The following KCNK10 variants were observed in gnomAD, a reference collection of about 807,000 sequenced individuals.
KCNK10 encodes the protein potassium channel subfamily K member 10.
In KCNK10, 25 loss-of-function variants were observed where a neutral mutation model predicts 47.7. The ratio of observed to expected loss-of-function variants is 0.52; its 90% CI spans 0.38 to 0.73. The LOEUF (loss-of-function observed/expected upper bound fraction) is 0.73, where lower values mean the gene tolerates loss of function less well. Ranked by LOEUF, KCNK10 falls within the 30% of genes least tolerant of loss-of-function variation. The pLI is 0.00. For synonymous variants in KCNK10, 303 were observed against 285.6 expected (o/e 1.06, Z -0.61); for missense variants, 563 against 714.5 (o/e 0.79, Z 2.42).
At chr14:88,213,587 A>T (rs1885527180) in intron 4 of KCNK10, among the ~76,000 whole-genome samples, 1 of 152,226 alleles carries the variant, frequency 6.6e-6, no homozygotes, top group Non-Finnish European at 1.5e-5. Context: ...CCAAAATGCA[A>T]AAATATAAAA....
chr14:88,192,774 T>A (rs1483091618), intron 4 of KCNK10, among the ~76,000 whole-genome samples: 2 of 152,198 alleles, frequency 1.3e-5, no homozygotes, highest in Non-Finnish European at 1.5e-5. Flanking sequence ...AATGCTACCA[T>A]TTGTCATGTA....
At chr14:88,212,109 AAT>A (rs34318518) in intron 4 of KCNK10, among the ~76,000 whole-genome samples, 89 of 133,270 alleles carry the variant, frequency 6.7e-4, no homozygotes, top group Non-Finnish European at 7.4e-4. Flanking sequence ...TGATAGTGAG[AAT>A]ATATATATAT....
intron 4 of KCNK10, among the ~76,000 whole-genome samples, chr14:88,208,400 A>G (rs1885349934): frequency 6.6e-6 from 1 of 152,190 alleles, no homozygotes; most frequent in Non-Finnish European, 1.5e-5. Flanking sequence ...CCTTGGGGAA[A>G]AGGTTGATAA....
intron 1 of KCNK10, among the ~76,000 whole-genome samples, chr14:88,296,235 C>T (rs539736794): frequency 5.3e-4 from 81 of 152,158 alleles, no homozygotes; most frequent in African/African-American, 1.9e-3. Context: ...GTGGAGCAGA[C>T]CTTGATGCCC....
intron 2 of KCNK10, among the ~76,000 whole-genome samples, chr14:88,261,926 G>A (rs181168534): frequency 6.6e-6 from 1 of 152,250 alleles, no homozygotes; most frequent in Admixed American, 6.5e-5. Context: ...GGAAGAATTT[G>A]TATTTCTATT....
chr14:88,275,861 C>T (rs569307367), intron 1 of KCNK10, among the ~76,000 whole-genome samples: 1 of 151,874 alleles, frequency 6.6e-6, no homozygotes, highest in African/African-American at 2.4e-5. Context: ...AGGGAGACTC[C>T]ATCTCAAAAA....
At chr14:88,306,337 T>A (rs1888201779) in intron 1 of KCNK10, among the ~76,000 whole-genome samples, 1 of 152,250 alleles carries the variant, frequency 6.6e-6, no homozygotes, top group Admixed American at 6.5e-5. Context: ...TCATGGTGTT[T>A]ATATAGGTTA....
intron 1 of KCNK10, among the ~76,000 whole-genome samples, chr14:88,286,114 G>T (rs1887754363): frequency 6.6e-6 from 1 of 152,128 alleles, no homozygotes; most frequent in Non-Finnish European, 1.5e-5. Flanking sequence ...TGAGATCTCA[G>T]CCAAGAGCCA....
chr14:88,285,801 A>G (rs534423591), intron 1 of KCNK10, among the ~76,000 whole-genome samples: 1 of 152,318 alleles, frequency 6.6e-6, no homozygotes, highest in South Asian at 2.1e-4. Flanking sequence ...GACTGTATTT[A>G]CCAAAACTAG....
At chr14:88,241,938 A>T (rs1010495052) in intron 2 of KCNK10, among the ~76,000 whole-genome samples, 14 of 149,666 alleles carry the variant, frequency 9.4e-5, no homozygotes, top group Non-Finnish European at 1.9e-4. Flanking sequence ...CCAGGGAAAA[A>T]GGTAGGACGT....
chr14:88,287,389 G>T (rs1887785097), intron 1 of KCNK10, among the ~76,000 whole-genome samples: 1 of 152,044 alleles, frequency 6.6e-6, no homozygotes, highest in Admixed American at 6.6e-5. Context: ...GCTCTTTAGT[G>T]GTGACTTGTG....
At position 88,278,078 on chromosome 14, in the gene KCNK10, G is replaced by A. The variant is rs1414151051; in HGVS notation, c.53-14527C>T. Reference sequence around the variant, plus strand: ...CACCAAGGTGATGAGCAGAATCCCTGCTGTCCAGGAATGGATGAGTTGGGT... The same window carrying A: ...CACCAAGGTGATGAGCAGAATCCCTACTGTCCAGGAATGGATGAGTTGGGT... On this transcript the variant is annotated intron_variant, in intron 1 of 6. Transcript: ENST00000319231. Among the ~76,000 whole-genome samples, 4 of 152,196 alleles carry A rather than the reference G, an allele frequency of 2.6e-5. No individual in the cohort carries two copies. In the East Asian group the frequency reaches 5.8e-4, roughly 22 times the overall value.
chr14:88,297,922 G>A (rs913544012), intron 1 of KCNK10, among the ~76,000 whole-genome samples: 1 of 152,158 alleles, frequency 6.6e-6, no homozygotes, highest in Non-Finnish European at 1.5e-5. Context: ...CCTTCTCTTC[G>A]TTCTGCAGTG....
At chr14:88,196,746 A>C (rs1038968147) in intron 4 of KCNK10, among the ~76,000 whole-genome samples, 4 of 152,256 alleles carry the variant, frequency 2.6e-5, no homozygotes, top group African/African-American at 9.6e-5. Context: ...AAATGCAAAC[A>C]CATCACCATA....
At chr14:88,249,232 C>A (rs1886727576) in intron 2 of KCNK10, among the ~76,000 whole-genome samples, 1 of 152,234 alleles carries the variant, frequency 6.6e-6, no homozygotes, top group Non-Finnish European at 1.5e-5. Context: ...TTCATCTCTT[C>A]TGCCCATTTC....
intron 3 of KCNK10, among the ~76,000 whole-genome samples, chr14:88,234,599 A>C (rs1164389049): frequency 6.6e-6 from 1 of 152,228 alleles, no homozygotes; most frequent in Non-Finnish European, 1.5e-5. Context: ...GAGAGCAATA[A>C]GGCAGGGAGT....
intron 1 of KCNK10, among the ~76,000 whole-genome samples, chr14:88,270,171 A>G (rs1887368365): frequency 1.3e-5 from 2 of 152,052 alleles, no homozygotes; most frequent in South Asian, 4.2e-4. Context: ...GATGGCTCAG[A>G]GCTTCCAAAG....
intron 1 of KCNK10, among the ~76,000 whole-genome samples, chr14:88,316,529 A>G (rs761200119): frequency 2.9e-4 from 44 of 152,204 alleles, no homozygotes; most frequent in Non-Finnish European, 5.0e-4. Context: ...GAAATCACCC[A>G]GGTGGGTGGA....
intron 1 of KCNK10, among the ~76,000 whole-genome samples, chr14:88,304,060 A>T (rs943282805): frequency 1.3e-5 from 2 of 152,130 alleles, no homozygotes; most frequent in Non-Finnish European, 2.9e-5. Context: ...TAATAAATAT[A>T]CTAAATTGTA....
Sources: gnomAD v4.1 joint callset for allele counts (sites outside exome capture counted in the v4.1 genomes callset) on GRCh38, gnomAD v4.1.1 for gene constraint, MANE v1.5 for transcripts, NCBI Gene and HGNC (gene_info 2026-07-23, HGNC 2026-07-21) for gene names.